Variants in STOX2 observed in about 807,000 individuals in gnomAD.
The protein encoded by STOX2 is storkhead box 2.
A neutral mutation model predicts 60.9 loss-of-function variants in STOX2; 28 were observed. That is an observed-to-expected ratio of 0.46 (90% CI 0.34 to 0.63). The LOEUF is 0.63. Ranked by LOEUF, STOX2 falls within the 30% of genes least tolerant of loss-of-function variation. STOX2 has a pLI of 0.01. For synonymous variants in STOX2, 472 were observed against 463.9 expected (o/e 1.02, Z -0.22); for missense variants, 1,024 against 1,187.7 (o/e 0.86, Z 2.03).
intron 1 of STOX2, among the ~76,000 whole-genome samples, chr4:183,844,573 G>T (rs1388505438): frequency 6.6e-6 from 1 of 152,054 alleles, no homozygotes; most frequent in Non-Finnish European, 1.5e-5. Context: ...TTACCTCAGG[G>T]ATATCAAAAA....
intron 1 of STOX2, among the ~76,000 whole-genome samples, chr4:183,963,612 G>T (rs1743475272): frequency 6.6e-6 from 1 of 151,540 alleles, no homozygotes; most frequent in Admixed American, 6.6e-5. Context: ...TTTTAGTAGA[G>T]ACGGGGTTTC....
At chr4:183,980,676 A>AT (rs979583169) in intron 1 of STOX2, among the ~76,000 whole-genome samples, 3 of 144,804 alleles carry the variant, frequency 2.1e-5, no homozygotes, top group African/African-American at 7.8e-5. Flanking sequence ...TTTGGAGCGA[A>AT]TTTTTTTTCC....
At chr4:183,878,933 GT>G (rs61339222) in intron 1 of STOX2, among the ~76,000 whole-genome samples, 2,195 of 137,742 alleles carry the variant, frequency 0.016, 37 homozygotes, top group African/African-American at 0.05. Flanking sequence ...CTCATGGATA[GT>G]TTTTTTTTTT....
chr4:184,001,144 C>T lies in STOX2; in HGVS notation c.167-181C>T. Among the ~76,000 whole-genome samples, 1 of 152,146 alleles carries T rather than the reference C, an allele frequency of 6.6e-6. No individual in the cohort carries two copies. The highest frequency in any genetic ancestry group is 1.9e-4 in the East Asian group (1 of 5,196). On this transcript the variant is annotated intron_variant, in intron 1 of 3. Transcript: ENST00000308497. This position sits in a 1 kb window ranked among gnomAD's most constrained non-coding sequence, Gnocchi z 4.2. ...AGGAGCTTCCACTGCGTGTGGAAGT[C>T]TTTCCACCTGAGTGGAATTGGCTGT...
At chr4:183,934,643 T>C (rs1000072407) in intron 1 of STOX2, among the ~76,000 whole-genome samples, 2 of 152,224 alleles carry the variant, frequency 1.3e-5, no homozygotes, top group African/African-American at 2.4e-5. Context: ...GTTCTTGGCC[T>C]TGTCAGCCTC....
chr4:183,886,817 T>G (rs1741094979), intron 1 of STOX2, among the ~76,000 whole-genome samples: 1 of 152,206 alleles, frequency 6.6e-6, no homozygotes, highest in Non-Finnish European at 1.5e-5. Flanking sequence ...AACCCCACTC[T>G]GCCATCTTTT....
chr4:183,973,504 T>C (rs1210162260), intron 1 of STOX2, among the ~76,000 whole-genome samples: 1 of 152,152 alleles, frequency 6.6e-6, no homozygotes, highest in Non-Finnish European at 1.5e-5. Flanking sequence ...CCAGGGAACA[T>C]ATTATTTATA....
intron 1 of STOX2, among the ~76,000 whole-genome samples, chr4:183,997,183 C>T (rs1242528917): frequency 6.6e-6 from 1 of 152,154 alleles, no homozygotes. Flanking sequence ...GGCAGTAGAC[C>T]AGACAGTCAG....
chr4:183,996,911 G>A (rs1733368470), intron 1 of STOX2, among the ~76,000 whole-genome samples: 1 of 152,026 alleles, frequency 6.6e-6, no homozygotes, highest in South Asian at 2.1e-4. Context: ...CTATTATTTA[G>A]CAAAAATATT....
rs1178973076 is a variant in STOX2, at chr4:183,905,438, C to T, written c.-1353C>T. On this transcript the variant is annotated 5_prime_UTR_variant, in exon 1 of 4. Coordinates refer to ENST00000308497, the MANE Select transcript of STOX2 (RefSeq NM_020225.3). The stretch of plus-strand genomic sequence containing the variant: ...CTGCAGGCCACTTGCATTGCGTCTT[C>T]CAGGCTGCGTGGACCCGGCGCCCCG... 1 of 152,294 alleles carries T rather than the reference C, an allele frequency of 6.6e-6. No individual in the cohort carries two copies. Among genetic ancestry groups the T allele is most frequent in the Non-Finnish European group, 1.5e-5 (1 of 68,108 alleles). 9.4% of individuals were successfully genotyped at this position (152,294 alleles called of 1,614,324 possible). A position where few individuals can be genotyped will look rare whatever the true frequency, so the allele number is the denominator to read the frequency against.
intron 1 of STOX2, among the ~76,000 whole-genome samples, chr4:183,810,284 C>G (rs1213751344): frequency 6.6e-6 from 1 of 152,118 alleles, no homozygotes; most frequent in Non-Finnish European, 1.5e-5. Flanking sequence ...GTATCTGGAC[C>G]AGGGACTGTT....
At chr4:183,991,276 A>G (rs1435524568) in intron 1 of STOX2, among the ~76,000 whole-genome samples, 2 of 152,320 alleles carry the variant, frequency 1.3e-5, no homozygotes, top group South Asian at 4.1e-4. Flanking sequence ...ACTACTTCAT[A>G]CTAGTATAAG....
intron 1 of STOX2, among the ~76,000 whole-genome samples, chr4:183,881,243 C>T (rs1281907449): frequency 9.2e-6 from 1 of 108,866 alleles, no homozygotes; most frequent in Non-Finnish European, 2.1e-5. Context: ...TGGCTCACAC[C>T]TATAATTCCA....
intron 1 of STOX2, among the ~76,000 whole-genome samples, chr4:183,826,737 A>G (rs1474042441): frequency 6.6e-6 from 1 of 152,232 alleles, no homozygotes; most frequent in African/African-American, 2.4e-5. Flanking sequence ...AGTGTCCACT[A>G]CATAGAATGT....
intron 1 of STOX2, among the ~76,000 whole-genome samples, chr4:183,915,328 T>A (rs997093232): frequency 6.6e-5 from 10 of 152,218 alleles, no homozygotes; most frequent in African/African-American, 2.4e-4. Flanking sequence ...TGCCATTTAC[T>A]GCTTTCGGCA....
chr4:183,950,956 C>G (rs1402403721), intron 1 of STOX2, among the ~76,000 whole-genome samples: 1 of 152,108 alleles, frequency 6.6e-6, no homozygotes, highest in African/African-American at 2.4e-5. Context: ...TGGCTCACGC[C>G]TGTAATCCCA....
At chr4:183,886,670 A>G (rs1045240080) in intron 1 of STOX2, among the ~76,000 whole-genome samples, 6 of 152,178 alleles carry the variant, frequency 3.9e-5, no homozygotes, top group Admixed American at 3.9e-4. Flanking sequence ...TAGTGGGGTA[A>G]GTAGTGTGGT....
chr4:184,009,170 C>A lies in STOX2; in HGVS notation c.332C>A (p.Pro111Gln). ...LTTCFPGVPT[P>Q]SQEILRHTLN... The stretch of plus-strand genomic sequence containing the variant: ...TTTTTTTTTTCAGGTGTTCCAACGC[C>A]AAGCCAAGAAATTCTGCGGCACACG... The change falls in exon 3 of 4, where the codon CCA becomes CAA. Residue 111 changes from proline (P) to glutamine (Q), a missense_variant. Pro to Gln is a moderately conservative substitution (Grantham distance 76, BLOSUM62 -1). Around this residue, in one of 3 missense-constraint regions of STOX2, gnomAD observed 922 missense variants for 1,058.3 expected, o/e 0.87. Coordinates refer to ENST00000308497, the MANE Select transcript of STOX2 (RefSeq NM_020225.3). The surrounding 1 kb of genome is among the most constrained non-coding windows in gnomAD (Gnocchi z 4.0). The A allele has an allele frequency of 6.6e-7, 1 of 1,507,458 alleles. No homozygotes were observed. The highest frequency in any genetic ancestry group is 8.9e-7 in the Non-Finnish European group (1 of 1,127,594). 93.4% of individuals were successfully genotyped at this position (1,507,458 alleles called of 1,614,324 possible).
intron 1 of STOX2, among the ~76,000 whole-genome samples, chr4:183,875,021 A>G (rs1170840209): frequency 7.7e-5 from 9 of 117,372 alleles, no homozygotes; most frequent in Non-Finnish European, 1.5e-4. Flanking sequence ...GTGTGAATTA[A>G]GTTTACATGT....
Sources: gnomAD v4.1 joint callset for allele counts (sites outside exome capture counted in the v4.1 genomes callset) on GRCh38, gnomAD v4.1.1 for gene constraint, gnomAD v4.1.1 regional missense constraint, Gnocchi (gnomAD v3.1) non-coding constraint, MANE v1.5 for transcripts, NCBI Gene and HGNC (gene_info 2026-07-23, HGNC 2026-07-21) for gene names.